The following CFAP20DC variants were observed in gnomAD, a reference collection of about 807,000 sequenced individuals.
CFAP20DC encodes protein CFAP20DC.
A neutral mutation model predicts 101.7 loss-of-function variants in CFAP20DC; 84 were observed. The ratio of observed to expected loss-of-function variants is 0.83; its 90% CI spans 0.69 to 0.99. The LOEUF (loss-of-function observed/expected upper bound fraction) is 0.99. Ranked by LOEUF, CFAP20DC falls within the 50% of genes least tolerant of loss-of-function variation. The pLI is 0.00. For synonymous variants in CFAP20DC, 359 were observed against 351.2 expected (o/e 1.02, Z -0.25); for missense variants, 1,007 against 970.3 (o/e 1.04, Z -0.50).
At position 58,795,843 on chromosome 3, in the gene CFAP20DC, C is replaced by G. The variant is rs987396674; in HGVS notation, c.2237+10552G>C. 5.9e-5 allele frequency among the ~76,000 whole-genome samples: 9 copies of G among 152,286 alleles called. No homozygotes were observed. The highest frequency in any genetic ancestry group is 1.2e-4 in the Non-Finnish European group (8 of 68,040). On this transcript the variant is annotated intron_variant, in intron 15 of 16. Transcript: ENST00000482387. This position sits in a 1 kb window ranked among gnomAD's most constrained non-coding sequence, Gnocchi z 4.2. ...ATTTCCCAGTCTTAATGCCTTTAGA[C>G]TCTCACAGAGTACAAAGGGAAAACT...
intron 12 of CFAP20DC, among the ~76,000 whole-genome samples, chr3:58,850,448 C>T (rs1403771958): frequency 1.3e-5 from 2 of 151,792 alleles, no homozygotes; most frequent in East Asian, 1.9e-4. Flanking sequence ...ATTATCTGGG[C>T]GTGGTGATGC....
At chr3:58,852,747 C>A (rs1441680107) in intron 12 of CFAP20DC, among the ~76,000 whole-genome samples, 1 of 151,188 alleles carries the variant, frequency 6.6e-6, no homozygotes, top group Non-Finnish European at 1.5e-5. Flanking sequence ...GGGTACATAA[C>A]GAAATGAAGG....
intron 14 of CFAP20DC, among the ~76,000 whole-genome samples, chr3:58,831,376 G>A (rs1394863510): frequency 6.6e-6 from 1 of 152,110 alleles, no homozygotes; most frequent in African/African-American, 2.4e-5. Context: ...TGTGCCACAG[G>A]GCTTGTACTA....
At chr3:58,759,958 T>C (rs1181695924) in intron 15 of CFAP20DC, among the ~76,000 whole-genome samples, 1 of 152,186 alleles carries the variant, frequency 6.6e-6, no homozygotes, top group Admixed American at 6.5e-5. Context: ...TAGTTTGAAG[T>C]CAGGTAGCAT....
chr3:58,884,398 G>T, intron 7 of CFAP20DC, 147 bp downstream of exon 7: 1 of 638,022 alleles, frequency 1.6e-6, no homozygotes. Context: ...TGAGTTTGTA[G>T]CCCCTGGCGT....
intron 15 of CFAP20DC, among the ~76,000 whole-genome samples, chr3:58,784,166 G>C (rs1024661259): frequency 1.3e-5 from 2 of 151,888 alleles, no homozygotes; most frequent in African/African-American, 2.4e-5. Context: ...ACTTATGAGT[G>C]AGAACATATG....
chr3:58,811,806 T>A (rs2074660701), intron 14 of CFAP20DC, among the ~76,000 whole-genome samples: 1 of 152,020 alleles, frequency 6.6e-6, no homozygotes. Context: ...AACCTGCTCA[T>A]CTGACAAAGG....
chr3:58,822,901 C>T (rs1354149939), intron 14 of CFAP20DC, among the ~76,000 whole-genome samples: 2 of 152,148 alleles, frequency 1.3e-5, no homozygotes, highest in Non-Finnish European at 2.9e-5. Flanking sequence ...ATAAGATACT[C>T]ATTTGAGAGA....
intron 14 of CFAP20DC, among the ~76,000 whole-genome samples, chr3:58,823,417 CA>C (rs1159097550): frequency 5.9e-5 from 9 of 152,120 alleles, no homozygotes; most frequent in Admixed American, 5.9e-4. Flanking sequence ...GGATGACAAC[CA>C]GTATCTACAA....
chr3:58,990,019 A>G (rs570065750), intron 4 of CFAP20DC, among the ~76,000 whole-genome samples: 296 of 152,274 alleles, frequency 1.9e-3, no homozygotes, highest in Non-Finnish European at 3.6e-3. Flanking sequence ...GAAACTCCCA[A>G]TGGAATTAAA....
At chr3:58,945,671 C>T (rs1375841851) in intron 4 of CFAP20DC, among the ~76,000 whole-genome samples, 1 of 151,738 alleles carries the variant, frequency 6.6e-6, no homozygotes, top group Non-Finnish European at 1.5e-5. Context: ...ATCCAATTAG[C>T]TGCCACATGC....
At chr3:58,911,363 T>C (rs2084132655) in intron 6 of CFAP20DC, among the ~76,000 whole-genome samples, 1 of 152,180 alleles carries the variant, frequency 6.6e-6, no homozygotes, top group South Asian at 2.1e-4. Context: ...AAATATGTAC[T>C]ATGTGATTCC....
At chr3:58,978,769 G>C (rs1408660538) in intron 4 of CFAP20DC, among the ~76,000 whole-genome samples, 2 of 151,544 alleles carry the variant, frequency 1.3e-5, no homozygotes, top group Non-Finnish European at 2.9e-5. Context: ...AGAAATATGA[G>C]GGAGATATTT....
rs1036869234 is a variant in CFAP20DC, at chr3:58,964,640, T to C, written c.279-26878A>G. ...TGATTTTTAAGTTAACACCTACCACTTACTAATAATAATTTGAACTACTTA... is the reference window on the plus strand; with the variant it reads ...TGATTTTTAAGTTAACACCTACCACCTACTAATAATAATTTGAACTACTTA... On this transcript the variant is annotated intron_variant, in intron 4 of 16. Coordinates refer to ENST00000482387, the MANE Select transcript of CFAP20DC (RefSeq NM_001394063.1). This position sits in a 1 kb window ranked among gnomAD's most constrained non-coding sequence, Gnocchi z 4.1. Among the ~76,000 whole-genome samples, 1 of 152,214 alleles carries C rather than the reference T, an allele frequency of 6.6e-6. No homozygotes were observed. Among genetic ancestry groups the C allele is most frequent in the African/African-American group, 2.4e-5 (1 of 41,462 alleles).
rs186125091 is a variant in CFAP20DC, at chr3:58,812,303, C to T, written c.2176-5847G>A. ...CACAATAGCAAAGACTTGGAACCAA[C>T]CCAAATGTCCAACAATGATAGAATG... On this transcript the variant is annotated intron_variant, in intron 14 of 16. Coordinates refer to ENST00000482387, the MANE Select transcript of CFAP20DC (RefSeq NM_001394063.1). Among the ~76,000 whole-genome samples, 1,115 of 152,198 alleles carry T rather than the reference C, an allele frequency of 7.3e-3. 17 individuals are homozygous for T. Among genetic ancestry groups the T allele is most frequent in the African/African-American group, 0.025 (1,054 of 41,518 alleles).
At position 58,866,675 on chromosome 3, in the gene CFAP20DC, T is replaced by C; in HGVS notation, c.1149A>G (p.Gly383=). 6.3e-7 allele frequency: 1 copy of C among 1,576,434 alleles called. No individual in the cohort carries two copies. Among genetic ancestry groups the C allele is most frequent in the Non-Finnish European group, 8.7e-7 (1 of 1,146,892 alleles). The stretch of plus-strand genomic sequence containing the variant: ...ATGCTTTATCTTCAATCCTATTATT[T>C]CCTGAAGAGCTACCTTTATTGAGAT... ...RTETPSGSSS[G]NNRIEDKAST... Residue 383 remains glycine (G), a synonymous_variant, in exon 11 of 17, where the codon GGA becomes GGG. Coordinates refer to ENST00000482387, the MANE Select transcript of CFAP20DC (RefSeq NM_001394063.1).
chr3:58,807,062 C>T (rs2074137055), intron 14 of CFAP20DC, among the ~76,000 whole-genome samples: 1 of 152,144 alleles, frequency 6.6e-6, no homozygotes, highest in African/African-American at 2.4e-5. Flanking sequence ...ACAAAGCAGC[C>T]AGGAAGCTCG....
At chr3:58,814,323 C>A (rs1032503612) in intron 14 of CFAP20DC, among the ~76,000 whole-genome samples, 2 of 151,874 alleles carry the variant, frequency 1.3e-5, no homozygotes, top group African/African-American at 4.9e-5. Context: ...AGACTAAAAA[C>A]TCTCAATAAA....
In CFAP20DC at chr3:59,047,785, T is replaced by C. The variant is rs528537573; in HGVS notation, c.22-531A>G. 6.4e-4 allele frequency among the ~76,000 whole-genome samples: 98 copies of C among 152,288 alleles called. 1 individual carries two copies. In the South Asian group the frequency reaches 0.019, roughly 30 times the overall value. ...AAATGGGTTGTTGGATTACATAAGA[T>C]ACTAAACATTAAACCTTGAGCATAA... On this transcript the variant is annotated intron_variant, in intron 1 of 16. Transcript: ENST00000482387.
Sources: allele counts gnomAD v4.1 joint callset (sites outside exome capture counted in the v4.1 genomes callset), GRCh38; gene constraint gnomAD v4.1.1; non-coding constraint Gnocchi (gnomAD v3.1); transcripts MANE v1.5; gene names NCBI Gene and HGNC (gene_info 2026-07-23, HGNC 2026-07-21).